RERE: variants seen among roughly 807,000 people sequenced by gnomAD.
RERE encodes the protein arginine-glutamic acid dipeptide repeats protein.
Under a neutral mutation model 146.1 loss-of-function variants are expected in RERE, and 40 were observed. That is an observed-to-expected ratio of 0.27 (90% CI 0.21 to 0.36). RERE has a LOEUF of 0.36. Ranked by LOEUF, RERE falls within the 10% of genes least tolerant of loss-of-function variation. The pLI is 1.00. For synonymous variants in RERE, 1,003 were observed against 866.0 expected (o/e 1.16, Z -2.78); for missense variants, 1,933 against 2,138.7 (o/e 0.90, Z 1.90).
intron 10 of RERE, among the ~76,000 whole-genome samples, chr1:8,490,158 C>G (rs1354330806): frequency 6.6e-6 from 1 of 151,480 alleles, no homozygotes; most frequent in Admixed American, 6.6e-5. Flanking sequence ...GTCAAGAGGT[C>G]AAGACCATCC....
intron 2 of RERE, among the ~76,000 whole-genome samples, chr1:8,647,651 G>A (rs1046461803): frequency 3.3e-5 from 5 of 150,270 alleles, no homozygotes; most frequent in Non-Finnish European, 7.4e-5. Context: ...ATGTGTGTGT[G>A]TGTGTGTGTG....
intron 4 of RERE, among the ~76,000 whole-genome samples, chr1:8,581,832 G>A (rs1190939795): frequency 6.6e-6 from 1 of 152,062 alleles, no homozygotes; most frequent in East Asian, 1.9e-4. Context: ...ATATTGGAAA[G>A]CATCATTTCC....
At position 8,359,680 on chromosome 1, in the gene RERE, G is replaced by A. The variant is rs1282244749; in HGVS notation, c.3618+84C>T. 4.1e-6 allele frequency: 6 copies of A among 1,464,862 alleles called. No individual in the cohort carries two copies. In the African/African-American group the frequency reaches 8.3e-5, roughly 20 times the overall value. 90.7% of individuals were successfully genotyped at this position (1,464,862 alleles called of 1,614,324 possible). A position where few individuals can be genotyped will look rare whatever the true frequency, so the allele number is the denominator to read the frequency against. ...CCAGGAGGCCGAGTCAGGCAGCCAAGGGCAGAGCTCGGTGGCCCAGCGTGG... is the reference window on the plus strand; with the variant it reads ...CCAGGAGGCCGAGTCAGGCAGCCAAAGGCAGAGCTCGGTGGCCCAGCGTGG... On this transcript the variant is annotated intron_variant, in intron 19 of 22. Transcript: ENST00000400908.
chr1:8,468,625 C>T (rs1644636221), intron 10 of RERE, among the ~76,000 whole-genome samples: 1 of 152,106 alleles, frequency 6.6e-6, no homozygotes, highest in South Asian at 2.1e-4. Flanking sequence ...CAGTGGCTCA[C>T]ACCTGTAAGC....
rs1257930701 is a variant in RERE at position 8,423,662 on chromosome 1, G to T, written c.1204-855C>A. 1.7e-5 allele frequency: 17 copies of T among 984,346 alleles called. No homozygotes were observed. The highest frequency in any genetic ancestry group is 1.9e-5 in the Non-Finnish European group (16 of 829,704). 61.0% of individuals were successfully genotyped at this position (984,346 alleles called of 1,614,324 possible). Reference sequence around the variant, plus strand: ...AGGCCGTCGCCTGTCACTGGGCTCCGGCTCCACAAAGCGCAGGGCGGAGGC... The same window carrying T: ...AGGCCGTCGCCTGTCACTGGGCTCCTGCTCCACAAAGCGCAGGGCGGAGGC... On this transcript the variant is annotated intron_variant, in intron 11 of 22. Coordinates refer to ENST00000400908, the MANE Select transcript of RERE (RefSeq NM_001042681.2). The surrounding 1 kb of genome is among the most constrained non-coding windows in gnomAD (Gnocchi z 5.4).
chr1:8,543,893 A>G (rs919859620), intron 6 of RERE, among the ~76,000 whole-genome samples: 1 of 152,186 alleles, frequency 6.6e-6, no homozygotes, highest in African/African-American at 2.4e-5. Flanking sequence ...CCCTTTCTCT[A>G]TTTGATTCTG....
chr1:8,399,774 T>TA (rs1181602876), intron 12 of RERE, among the ~76,000 whole-genome samples: 1 of 152,076 alleles, frequency 6.6e-6, no homozygotes, highest in Non-Finnish European at 1.5e-5. Context: ...GTCTTTTTTT[T>TA]AGGTCTTTTA....
At chr1:8,635,639 G>A (rs958436239) in intron 2 of RERE, among the ~76,000 whole-genome samples, 7 of 152,116 alleles carry the variant, frequency 4.6e-5, no homozygotes, top group African/African-American at 1.4e-4. Context: ...AAGACAAAAT[G>A]TATGAGAACT....
intron 4 of RERE, among the ~76,000 whole-genome samples, chr1:8,595,032 G>A (rs1304072401): frequency 6.6e-6 from 1 of 151,926 alleles, no homozygotes; most frequent in Non-Finnish European, 1.5e-5. Flanking sequence ...GGTGGCATGT[G>A]CTTGTGTGGT....
chr1:8,634,220 C>T (rs2124260840), intron 2 of RERE, among the ~76,000 whole-genome samples: 1 of 152,348 alleles, frequency 6.6e-6, no homozygotes, highest in East Asian at 1.9e-4. Flanking sequence ...TCCTGCTCAA[C>T]CTTCAGGACC....
rs142390467 is a variant in RERE at position 8,733,989 on chromosome 1, G to A, written c.-144-77548C>T. On this transcript the variant is annotated intron_variant, in intron 1 of 22. Coordinates refer to ENST00000400908, the MANE Select transcript of RERE (RefSeq NM_001042681.2). ...ATGGTGGTGGGTGCCTGTAATCCCA[G>A]CTACTCTACTCGGGAGGCTGATGCA... Among the ~76,000 whole-genome samples the A allele has an allele frequency of 3.2e-3, 482 of 152,008 alleles. 5 individuals are homozygous for A. Among genetic ancestry groups the A allele is most frequent in the Middle Eastern group, 6.8e-3 (2 of 294 alleles).
At chr1:8,362,962 C>T in intron 15 of RERE, 118 bp from the exon 16 acceptor site, 1 of 1,199,882 alleles carries the variant, frequency 8.3e-7, no homozygotes, top group Non-Finnish European at 1.2e-6. Flanking sequence ...TCAGCAAATC[C>T]CAGACCTTGG....
chr1:8,786,218 C>A (rs556722556), intron 1 of RERE: 1 of 895,542 alleles, frequency 1.1e-6, no homozygotes, highest in Non-Finnish European at 1.8e-6. Context: ...TTCTAAGAAG[C>A]CTGTGGATCT....
intron 1 of RERE, among the ~76,000 whole-genome samples, chr1:8,698,980 G>A (rs1473671749): frequency 6.6e-6 from 1 of 152,166 alleles, no homozygotes; most frequent in Non-Finnish European, 1.5e-5. Context: ...GTGCAGTGGT[G>A]CAATCATGGC....
chr1:8,662,300 CA>C (rs1278612216), intron 1 of RERE, among the ~76,000 whole-genome samples: 1 of 152,224 alleles, frequency 6.6e-6, no homozygotes, highest in African/African-American at 2.4e-5. Flanking sequence ...CACCCCCAAA[CA>C]TCTCACACTA....
At chr1:8,469,417 G>C (rs973295806) in intron 10 of RERE, among the ~76,000 whole-genome samples, 3 of 152,152 alleles carry the variant, frequency 2.0e-5, no homozygotes, top group Admixed American at 2.0e-4. Context: ...AGGTGTTCAA[G>C]ACCAGCCTGG....
At chr1:8,447,839 G>C (rs1341118374) in intron 11 of RERE, among the ~76,000 whole-genome samples, 1 of 152,194 alleles carries the variant, frequency 6.6e-6, no homozygotes, top group Non-Finnish European at 1.5e-5. Context: ...GGCTCTGCCT[G>C]CTTCTCCGAA....
At chr1:8,546,539 C>T (rs976062497) in intron 6 of RERE, among the ~76,000 whole-genome samples, 1 of 151,772 alleles carries the variant, frequency 6.6e-6, no homozygotes, top group Non-Finnish European at 1.5e-5. Context: ...TTTATTATTA[C>T]AGGATAGAGT....
intron 12 of RERE, among the ~76,000 whole-genome samples, chr1:8,413,614 G>A (rs946059023): frequency 6.6e-6 from 1 of 152,126 alleles, no homozygotes; most frequent in African/African-American, 2.4e-5. Context: ...AAAGTGCTGG[G>A]ATTACAGACA....
Sources: gnomAD v4.1 joint callset for allele counts (sites outside exome capture counted in the v4.1 genomes callset) on GRCh38, gnomAD v4.1.1 for gene constraint, Gnocchi (gnomAD v3.1) non-coding constraint, MANE v1.5 for transcripts, NCBI Gene and HGNC (gene_info 2026-07-23, HGNC 2026-07-21) for gene names.